The following MEI4 variants were observed in gnomAD, a reference collection of about 807,000 sequenced individuals.
MEI4 encodes meiosis-specific protein MEI4.
MEI4 carries 27 observed loss-of-function variants against 31.4 expected under a neutral mutation model. The observed-to-expected ratio is 0.86, with a 90% CI of 0.63 to 1.19. MEI4 has a LOEUF of 1.19. Among genes scored for constraint, MEI4 ranks in the 50% most tolerant of loss-of-function variants. The pLI is 0.00. For synonymous variants in MEI4, 122 were observed against 145.4 expected (o/e 0.84, Z 1.16); for missense variants, 329 against 398.9 (o/e 0.82, Z 1.49).
intron 2 of MEI4, among the ~76,000 whole-genome samples, chr6:77,733,412 CG>C (rs1184969713): frequency 2.0e-5 from 3 of 152,156 alleles, no homozygotes; most frequent in Non-Finnish European, 4.4e-5. Context: ...GGTTTATTTG[CG>C]TAGAGGTGTT....
At chr6:77,728,379 T>G (rs1766882852) in intron 2 of MEI4, among the ~76,000 whole-genome samples, 1 of 151,264 alleles carries the variant, frequency 6.6e-6, no homozygotes, top group African/African-American at 2.5e-5. Context: ...ATACTACACA[T>G]CATGCATATA....
intron 4 of MEI4, among the ~76,000 whole-genome samples, chr6:77,920,799 G>C (rs1215706796): frequency 6.6e-6 from 1 of 151,890 alleles, no homozygotes; most frequent in African/African-American, 2.4e-5. Flanking sequence ...TGGATGATCA[G>C]GTGTGTTGTC....
intron 3 of MEI4, among the ~76,000 whole-genome samples, chr6:77,771,750 A>G (rs1425136989): frequency 3.3e-5 from 5 of 152,092 alleles, no homozygotes; most frequent in African/African-American, 4.8e-5. Context: ...ACACATGGAC[A>G]CAAGGAGGGT....
intron 4 of MEI4, among the ~76,000 whole-genome samples, chr6:77,892,528 A>T (rs945859077): frequency 6.6e-6 from 1 of 151,910 alleles, no homozygotes; most frequent in Non-Finnish European, 1.5e-5. Flanking sequence ...GGGTGCATGC[A>T]GGTGTTCTCT....
intron 1 of MEI4, among the ~76,000 whole-genome samples, chr6:77,678,491 G>T (rs1489493086): frequency 1.3e-5 from 2 of 151,476 alleles, no homozygotes; most frequent in South Asian, 4.2e-4. Flanking sequence ...ATTTACAGGG[G>T]TGGTCTCATA....
At chr6:77,854,416 T>A (rs1770699717) in intron 4 of MEI4, among the ~76,000 whole-genome samples, 1 of 136,400 alleles carries the variant, frequency 7.3e-6, no homozygotes. Flanking sequence ...TATAGAGTGG[T>A]GGATTATAGA....
At chr6:77,749,199 A>G (rs1263000332) in intron 2 of MEI4, among the ~76,000 whole-genome samples, 2 of 152,204 alleles carry the variant, frequency 1.3e-5, no homozygotes, top group African/African-American at 4.8e-5. Context: ...TCCAAAACCC[A>G]GAACACCTCT....
intron 4 of MEI4, among the ~76,000 whole-genome samples, chr6:77,844,536 A>G (rs775172856): frequency 2.5e-4 from 38 of 152,180 alleles, no homozygotes; most frequent in Non-Finnish European, 5.9e-5. Context: ...CTGCATATCA[A>G]TTCAAAAGTT....
rs79104812 is a variant in MEI4 at position 77,732,986 on chromosome 6, G to C, written c.233-28144G>C. ...ATCCCAGGGATGAAGCCCACTTGAT[G>C]ATGGTGGATAAGCTTTTTGATGTGC... On this transcript the variant is annotated intron_variant, in intron 2 of 4. Coordinates refer to ENST00000684080, the MANE Select transcript of MEI4 (RefSeq NM_001322247.2). Among the ~76,000 whole-genome samples the C allele has an allele frequency of 0.012, 1,837 of 149,158 alleles. 92 individuals are homozygous for C. The East Asian group carries it at 0.18, about 15-fold the overall frequency.
intron 4 of MEI4, among the ~76,000 whole-genome samples, chr6:77,883,230 A>G (rs1771530548): frequency 6.6e-6 from 1 of 152,166 alleles, no homozygotes; most frequent in South Asian, 2.1e-4. Context: ...GATATTTTGC[A>G]TATGATCTGT....
chr6:77,890,263 G>A (rs1395696770), intron 4 of MEI4, among the ~76,000 whole-genome samples: 1 of 152,210 alleles, frequency 6.6e-6, no homozygotes, highest in African/African-American at 2.4e-5. Context: ...ACCCTGCAAA[G>A]CCACAGGGGC....
chr6:77,859,759 AC>A (rs879301349), intron 4 of MEI4, among the ~76,000 whole-genome samples: 5 of 152,152 alleles, frequency 3.3e-5, no homozygotes, highest in Non-Finnish European at 7.4e-5. Context: ...ATGTTTGCTT[AC>A]TGATCTCACG....
At chr6:77,778,090 T>C (rs1768501804) in intron 3 of MEI4, among the ~76,000 whole-genome samples, 1 of 143,292 alleles carries the variant, frequency 7.0e-6, no homozygotes, top group African/African-American at 2.6e-5. Context: ...AGCAAAATTA[T>C]TGAAGAAAAG....
chr6:77,830,354 A>G (rs1458974355), intron 4 of MEI4, among the ~76,000 whole-genome samples: 2 of 152,104 alleles, frequency 1.3e-5, no homozygotes, highest in African/African-American at 4.8e-5. Context: ...CAGTAAGTGC[A>G]GAAAAAATGA....
At chr6:77,698,326 A>G (rs1024364760) in intron 2 of MEI4, among the ~76,000 whole-genome samples, 1 of 152,034 alleles carries the variant, frequency 6.6e-6, no homozygotes, top group African/African-American at 2.4e-5. Context: ...TTCTCTGGTT[A>G]TTTTGCTCGT....
At chr6:77,674,447 C>G (rs1381031421) in intron 1 of MEI4, among the ~76,000 whole-genome samples, 2 of 151,530 alleles carry the variant, frequency 1.3e-5, no homozygotes, top group Non-Finnish European at 2.9e-5. Flanking sequence ...TTTTACTGTA[C>G]TTTTTCTATG....
chr6:77,864,419 G>T (rs1409284362), intron 4 of MEI4, among the ~76,000 whole-genome samples: 1 of 148,658 alleles, frequency 6.7e-6, no homozygotes, highest in Non-Finnish European at 1.5e-5. Flanking sequence ...AAAAAAGGCA[G>T]GGGTTGCAAT....
intron 4 of MEI4, among the ~76,000 whole-genome samples, chr6:77,881,470 A>G (rs765213327): frequency 2.6e-5 from 4 of 152,208 alleles, no homozygotes; most frequent in African/African-American, 4.8e-5. Context: ...GACTCATTCT[A>G]TGTTTTGAAT....
At chr6:77,783,539 C>A (rs1373610706) in intron 3 of MEI4, among the ~76,000 whole-genome samples, 2 of 152,036 alleles carry the variant, frequency 1.3e-5, no homozygotes, top group Non-Finnish European at 2.9e-5. Flanking sequence ...CCAGAACAGG[C>A]TCAGAAAGAT....
Sources: gnomAD v4.1 joint callset for allele counts (sites outside exome capture counted in the v4.1 genomes callset) on GRCh38, gnomAD v4.1.1 for gene constraint, MANE v1.5 for transcripts, NCBI Gene and HGNC (gene_info 2026-07-23, HGNC 2026-07-21) for gene names.